Variants in PCDHA6 observed in about 807,000 individuals in gnomAD.
PCDHA6 encodes the protein protocadherin alpha 6.
In PCDHA6, 55 loss-of-function variants were observed where a neutral mutation model predicts 60.3. The ratio of observed to expected loss-of-function variants is 0.91; its 90% CI spans 0.73 to 1.14. The LOEUF (loss-of-function observed/expected upper bound fraction) is 1.14. Among genes scored for constraint, PCDHA6 ranks in the 50% most tolerant of loss-of-function variants. The pLI is 0.00. For synonymous variants in PCDHA6, 652 were observed against 557.9 expected (o/e 1.17, Z -2.38); for missense variants, 1,327 against 1,256.5 (o/e 1.06, Z -0.85).
At chr5:140,920,023 C>T (rs1554199365) in intron 1 of PCDHA6, among the ~76,000 whole-genome samples, 1 of 152,096 alleles carries the variant, frequency 6.6e-6, no homozygotes, top group Non-Finnish European at 1.5e-5. Flanking sequence ...AAGATGGAGA[C>T]AGAGATTGGA....
intron 1 of PCDHA6, chr5:140,841,540 C>T: frequency 1.2e-6 from 2 of 1,613,694 alleles, no homozygotes; most frequent in African/African-American, 1.3e-5. Context: ...GACACCGGGA[C>T]CTTCTGGAGG....
chr5:140,843,170 A>T (rs2150354279), intron 1 of PCDHA6: 2 of 1,596,072 alleles, frequency 1.3e-6, no homozygotes. Context: ...AGCTGCAAGC[A>T]GCCCTCGCAT....
chr5:140,881,362 G>C, intron 1 of PCDHA6: 6 of 985,132 alleles, frequency 6.1e-6, no homozygotes, highest in Non-Finnish European at 7.2e-6. Context: ...CGTGGCTTTC[G>C]TATGAATTGC....
intron 1 of PCDHA6, among the ~76,000 whole-genome samples, chr5:140,937,675 G>A (rs2091663642): frequency 6.6e-6 from 1 of 151,688 alleles, no homozygotes; most frequent in Admixed American, 6.6e-5. Flanking sequence ...CACTTTGGGA[G>A]GCTGAGGCAG....
intron 1 of PCDHA6, among the ~76,000 whole-genome samples, chr5:140,840,993 A>C (rs1209699750): frequency 6.6e-6 from 1 of 152,060 alleles, no homozygotes; most frequent in Admixed American, 6.6e-5. Flanking sequence ...AGCTGAAACT[A>C]ATGTAAGGAG....
Position 140,834,605 on chromosome 5 carries a change from T to G in PCDHA6, c.2394+4120T>G, listed in dbSNP as rs2150222820. 19 of 1,613,994 alleles carry G rather than the reference T, an allele frequency of 1.2e-5. No homozygotes were observed. The South Asian group carries it at 2.1e-4, about 18-fold the overall frequency. On this transcript the variant is annotated intron_variant, in intron 1 of 3. Coordinates refer to ENST00000529310, the MANE Select transcript of PCDHA6 (RefSeq NM_018909.4). Reference sequence around the variant, plus strand: ...CGGTGTGCAAATTCCGTGGGGATCTTCTGGAGGTAAATCTGCAGAATGGCA... The same window carrying G: ...CGGTGTGCAAATTCCGTGGGGATCTGCTGGAGGTAAATCTGCAGAATGGCA...
At chr5:140,938,536 G>T (rs1443736475) in intron 1 of PCDHA6, among the ~76,000 whole-genome samples, 2 of 140,060 alleles carry the variant, frequency 1.4e-5, no homozygotes, top group Non-Finnish European at 3.2e-5. Context: ...TGGATAATAT[G>T]GATTTTTATC....
At chr5:140,999,444 C>A (rs782553983) in intron 3 of PCDHA6, among the ~76,000 whole-genome samples, 25 of 152,210 alleles carry the variant, frequency 1.6e-4, no homozygotes, top group Non-Finnish European at 3.1e-4. Flanking sequence ...GCCTCTTATT[C>A]GTTCAACGAA....
intron 1 of PCDHA6, chr5:140,881,999 A>C: frequency 2.1e-6 from 1 of 471,262 alleles, no homozygotes. Context: ...AGGAAATGCA[A>C]GGGGCAAAAA....
intron 1 of PCDHA6, among the ~76,000 whole-genome samples, chr5:140,912,519 T>G (rs770184717): frequency 6.6e-6 from 1 of 152,164 alleles, no homozygotes. Context: ...TCTTTAGGGT[T>G]TTCAGAGTAC....
At position 140,927,384 on chromosome 5, in the gene PCDHA6, C is replaced by G. The variant is rs2084146194; in HGVS notation, c.2395-51565C>G. On this transcript the variant is annotated intron_variant, in intron 1 of 3. Transcript: ENST00000529310. Reference sequence around the variant, plus strand: ...ATGGGATACTAAGCTACAGCCTAAGCCCCAGTCAGCACTTTCGCCTGGACA... The same window carrying G: ...ATGGGATACTAAGCTACAGCCTAAGGCCCAGTCAGCACTTTCGCCTGGACA... 1 of 1,613,996 alleles carries G rather than the reference C, an allele frequency of 6.2e-7. No individual in the cohort carries two copies. The highest frequency in any genetic ancestry group is 1.7e-5 in the Admixed American group (1 of 60,010).
intron 1 of PCDHA6, chr5:140,842,739 A>G: frequency 6.3e-7 from 1 of 1,595,048 alleles, no homozygotes; most frequent in South Asian, 1.1e-5. Context: ...CCGGGCTGCC[A>G]CATCTTCACG....
intron 1 of PCDHA6, among the ~76,000 whole-genome samples, chr5:140,833,644 A>G (rs1048308500): frequency 1.3e-5 from 2 of 152,196 alleles, no homozygotes; most frequent in African/African-American, 4.8e-5. Context: ...AAAAGTTCAC[A>G]TGATACAAAT....
At chr5:140,899,252 C>T (rs1219703479) in intron 1 of PCDHA6, among the ~76,000 whole-genome samples, 1 of 152,142 alleles carries the variant, frequency 6.6e-6, no homozygotes, top group Non-Finnish European at 1.5e-5. Context: ...TGAGAGAGGG[C>T]ATCCCTGTCT....
At chr5:140,993,364 T>G (rs1285844193) in intron 3 of PCDHA6, among the ~76,000 whole-genome samples, 1 of 151,930 alleles carries the variant, frequency 6.6e-6, no homozygotes, top group Non-Finnish European at 1.5e-5. Flanking sequence ...TCACAAAAAC[T>G]ACCTCCCAGC....
intron 1 of PCDHA6, among the ~76,000 whole-genome samples, chr5:140,924,244 C>T (rs1375839311): frequency 6.6e-6 from 1 of 152,152 alleles, no homozygotes; most frequent in East Asian, 1.9e-4. Flanking sequence ...TGTTTTGCAT[C>T]CTGGTGAGAT....
In PCDHA6 at chr5:140,855,439, C is replaced by A. The variant is rs190954774; in HGVS notation, c.2394+24954C>A. On this transcript the variant is annotated intron_variant, in intron 1 of 3. Coordinates refer to ENST00000529310, the MANE Select transcript of PCDHA6 (RefSeq NM_018909.4). ...CTCTAAATTCTAGTGATGACTAGAT[C>A]TTCGGAGTTATAAACACCTCACAGA... Among the ~76,000 whole-genome samples the A allele has an allele frequency of 4.7e-5, 7 of 149,934 alleles. 1 individual carries two copies. The Admixed American group carries it at 4.7e-4, about 10-fold the overall frequency.
rs200121350 is a variant in PCDHA6 at position 140,876,941 on chromosome 5, T to C, written c.2394+46456T>C. The C allele has an allele frequency of 7.9e-5, 128 of 1,613,666 alleles. No individual in the cohort carries two copies. The Middle Eastern group carries it at 1.4e-3, about 17-fold the overall frequency. ...GCGGACGCGCAGAAGAACGCGCTGGTGTCCTACTCGCTGGTGGAGCGGCGG... is the reference window on the plus strand; with the variant it reads ...GCGGACGCGCAGAAGAACGCGCTGGCGTCCTACTCGCTGGTGGAGCGGCGG... On this transcript the variant is annotated intron_variant, in intron 1 of 3. Coordinates refer to ENST00000529310, the MANE Select transcript of PCDHA6 (RefSeq NM_018909.4).
Position 140,830,141 on chromosome 5 carries a change from G to C in PCDHA6, c.2050G>C (p.Val684Leu). 6.2e-7 allele frequency: 1 copy of C among 1,613,398 alleles called. No individual in the cohort carries two copies. Among genetic ancestry groups the C allele is most frequent in the South Asian group, 1.1e-5 (1 of 91,058 alleles). ...TCCAAAGGCGTCATCACGGGCGTCG[G>C]TGGGCGCCGCGGGCCCAGAGGCGGC... is the stretch of plus-strand genomic sequence containing the variant. ...QAPKASSRAS[V>L]GAAGPEAALV... The change falls in exon 1 of 4, where the codon GTG (valine) becomes CTG (leucine). Residue 684 changes from valine (V) to leucine (L), a missense_variant. By Grantham distance (32) the Val-to-Leu change is conservative. Transcript: ENST00000529310.
Sources: gnomAD v4.1 joint callset for allele counts (sites outside exome capture counted in the v4.1 genomes callset) on GRCh38, gnomAD v4.1.1 for gene constraint, MANE v1.5 for transcripts, NCBI Gene and HGNC (gene_info 2026-07-23, HGNC 2026-07-21) for gene names.